Variants in NUP43 observed in about 807,000 individuals in gnomAD.
NUP43 encodes the protein nucleoporin Nup43.
A neutral mutation model predicts 47.3 loss-of-function variants in NUP43; 32 were observed. The observed-to-expected ratio is 0.68, with a 90% confidence interval of 0.51 to 0.91. The LOEUF (loss-of-function observed/expected upper bound fraction) is 0.91, where lower values mean the gene tolerates loss of function less well. Ranked by LOEUF, NUP43 falls within the 40% of genes least tolerant of loss-of-function variation. The pLI is 0.00. For synonymous variants in NUP43, 147 were observed against 158.4 expected (o/e 0.93, Z 0.54); for missense variants, 444 against 453.9 (o/e 0.98, Z 0.20).
At chr6:149,747,206 C>T (rs1039857891), upstream of NUP43, among the ~76,000 whole-genome samples, 2 of 152,128 alleles carry the variant, frequency 1.3e-5, no homozygotes, top group African/African-American at 4.8e-5. Flanking sequence ...CCTCAGAATC[C>T]TGCCTATCCT....
chr6:149,742,317 C>T (rs773386364), intron 4 of NUP43, 73 bp downstream of exon 4: 77 of 1,446,020 alleles, frequency 5.3e-5, no homozygotes, highest in Non-Finnish European at 7.3e-5. Flanking sequence ...TGAGCCACCA[C>T]ACCCAGCCTA....
At chr6:149,729,613 G>GT in intron 7 of NUP43, 3 of 785,468 alleles carry the variant, frequency 3.8e-6, no homozygotes, top group Non-Finnish European at 3.1e-6. Flanking sequence ...CTTCCTATTT[G>GT]TTCTCCCAGC....
At chr6:149,735,338 T>G (rs982540610) in intron 6 of NUP43, among the ~76,000 whole-genome samples, 2 of 152,158 alleles carry the variant, frequency 1.3e-5, no homozygotes, top group African/African-American at 4.8e-5. Context: ...ACTACAGGCA[T>G]GTGCCAATGT....
chr6:149,736,045 A>C (rs1181166431), intron 6 of NUP43, among the ~76,000 whole-genome samples: 1 of 151,010 alleles, frequency 6.6e-6, no homozygotes, highest in Non-Finnish European at 1.5e-5. Context: ...TAGGAGGCCG[A>C]GCTGGGCAGA....
chr6:149,741,036 T>G (rs1357780528), intron 4 of NUP43, among the ~76,000 whole-genome samples: 3 of 152,094 alleles, frequency 2.0e-5, no homozygotes, highest in Admixed American at 2.0e-4. Flanking sequence ...TGCTTCCAGA[T>G]GTTTTATCTG....
Position 149,746,521 on chromosome 6 carries a change from G to T in NUP43, c.-26C>A, listed in dbSNP as rs771591032. ...GCCGAAAGCGGCCGCAGCAGGTACT[G>T]CAAAAAGCAAGCACAGTACGCGCCT... On this transcript the variant is annotated 5_prime_UTR_variant, in exon 1 of 8. Coordinates refer to ENST00000340413, the MANE Select transcript of NUP43 (RefSeq NM_198887.3). 1 of 1,614,050 alleles carries T rather than the reference G, an allele frequency of 6.2e-7. No individual in the cohort carries two copies. The highest frequency in any genetic ancestry group is 8.5e-7 in the Non-Finnish European group (1 of 1,179,952).
intron 3 of NUP43, among the ~76,000 whole-genome samples, chr6:149,742,874 C>T (rs1785738099): frequency 6.6e-6 from 1 of 152,166 alleles, no homozygotes; most frequent in South Asian, 2.1e-4. Context: ...AATTAACCTA[C>T]ATCTAAAATA....
intron 6 of NUP43, among the ~76,000 whole-genome samples, chr6:149,734,875 G>A (rs368269345): frequency 6.7e-6 from 1 of 150,182 alleles, no homozygotes; most frequent in Non-Finnish European, 1.5e-5. Context: ...ATTTCTGTCC[G>A]GCTAAATCAT....
upstream of NUP43, among the ~76,000 whole-genome samples, chr6:149,748,479 A>G (rs1786141667): frequency 1.3e-5 from 2 of 152,166 alleles, no homozygotes. Context: ...TTGTGCTGAT[A>G]TAGTGGCACA....
chr6:149,736,491 A>C lies in NUP43; in HGVS notation c.770T>G (p.Leu257Arg). 6.3e-7 allele frequency: 1 copy of C among 1,588,564 alleles called. No homozygotes were observed. The highest frequency in any genetic ancestry group is 8.6e-7 in the Non-Finnish European group (1 of 1,159,578). Residue 257 changes from leucine to arginine, a missense_variant, in exon 6 of 8, where the codon CTG becomes CGG. By Grantham distance (102) the Leu-to-Arg change is moderately radical (BLOSUM62 -2). Coordinates refer to ENST00000340413, the MANE Select transcript of NUP43 (RefSeq NM_198887.3). The stretch of plus-strand genomic sequence containing the variant: ...CTTACTTTCAGCTTCATGAGCCTTC[A>C]GCAGAGATACAGGCATAGTACCTTG... Reference protein sequence around the residue: ...VRQGTMPVSLLKAHEAEMWEV... With the variant: ...VRQGTMPVSLRKAHEAEMWEV...
chr6:149,746,389 G>C lies in NUP43; in HGVS notation c.107C>G (p.Ser36Cys). The change falls in exon 1 of 8, where the codon TCT becomes TGT. Residue 36 changes from serine (S) to cysteine (C), a missense_variant. Coordinates refer to ENST00000340413, the MANE Select transcript of NUP43 (RefSeq NM_198887.3). ...LQTAETFATG[S>C]WDNEENYISL... ...CAGCGGCGATACCTCATTGTCCCAA[G>C]ATCCTGTAGCGAACGTCTCCGCGGT... 1 of 1,614,170 alleles carries C rather than the reference G, an allele frequency of 6.2e-7. No individual in the cohort carries two copies. Among genetic ancestry groups the C allele is most frequent in the Non-Finnish European group, 8.5e-7 (1 of 1,180,012 alleles).
chr6:149,724,836 A>G lies in NUP43; in HGVS notation c.*2133T>C, dbSNP rs1447062024. ...ACTCTTGACCTCAGGTGCTTCACCC[A>G]CCTCGGCCTCCCAAAGTGCTAGCAT... On this transcript the variant is annotated 3_prime_UTR_variant, in exon 8 of 8. Coordinates refer to ENST00000340413, the MANE Select transcript of NUP43 (RefSeq NM_198887.3). 1 of 151,874 alleles carries G rather than the reference A, an allele frequency of 6.6e-6. No individual in the cohort carries two copies. Among genetic ancestry groups the G allele is most frequent in the African/African-American group, 2.4e-5 (1 of 41,350 alleles). The allele number at this position is 151,874 out of a possible 1,614,324, so 9.4% of individuals were successfully genotyped here.
At chr6:149,746,274 G>T in intron 1 of NUP43, 102 bp downstream of exon 1, 1 of 1,520,804 alleles carries the variant, frequency 6.6e-7, no homozygotes, top group Non-Finnish European at 9.0e-7. Context: ...ACCTAAAAGT[G>T]CGAGAAGAAC....
chr6:149,742,603 A>C, intron 3 of NUP43, 33 bp from the exon 4 acceptor site: 1 of 1,561,446 alleles, frequency 6.4e-7, no homozygotes, highest in Non-Finnish European at 8.8e-7. Flanking sequence ...CTATTAAAGC[A>C]AAGTACTAAG....
chr6:149,731,476 T>G (rs1785034766), intron 7 of NUP43, 137 bp downstream of exon 7: 2 of 648,948 alleles, frequency 3.1e-6, no homozygotes, highest in Non-Finnish European at 4.9e-6. Context: ...GGCACGAGAA[T>G]CGCTTGAACC....
At chr6:149,733,408 G>A (rs549750600) in intron 6 of NUP43, among the ~76,000 whole-genome samples, 75 of 152,070 alleles carry the variant, frequency 4.9e-4, no homozygotes, top group Non-Finnish European at 8.1e-4. Flanking sequence ...AGGAACATAG[G>A]TCAGTGACAA....
intron 5 of NUP43, among the ~76,000 whole-genome samples, chr6:149,738,368 T>C (rs1195728687): frequency 6.6e-6 from 1 of 152,198 alleles, no homozygotes; most frequent in Non-Finnish European, 1.5e-5. Flanking sequence ...GTATATTTTA[T>C]CCATTAAACA....
Position 149,731,689 on chromosome 6 carries a change from G to C in NUP43, c.837C>G (p.Thr279=). The C allele has an allele frequency of 6.2e-7, 1 of 1,613,612 alleles. No individual in the cohort carries two copies. Among genetic ancestry groups the C allele is most frequent in the South Asian group, 1.1e-5 (1 of 91,074 alleles). The change falls in exon 7 of 8, where the codon ACC becomes ACG. Residue 279 remains threonine, a synonymous_variant. Transcript: ENST00000340413. ...FHPSNPEHLF[T]CSEDGSLWHW... ...GCCAGAGGGATCCATCTTCAGAGCA[G>C]GTAAAAAGATGTTCTGGGTTGGATG...
At chr6:149,742,113 G>A (rs1053065847) in intron 4 of NUP43, among the ~76,000 whole-genome samples, 1 of 149,478 alleles carries the variant, frequency 6.7e-6, no homozygotes, top group African/African-American at 2.5e-5. Flanking sequence ...TGCAACCTCC[G>A]CCTCCCAGGT....
Sources: allele counts gnomAD v4.1 joint callset (sites outside exome capture counted in the v4.1 genomes callset), GRCh38; gene constraint gnomAD v4.1.1; transcripts MANE v1.5; gene names NCBI Gene and HGNC (gene_info 2026-07-23, HGNC 2026-07-21).